The following WWOX variants were observed in gnomAD, a reference collection of about 807,000 sequenced individuals.
WWOX encodes the protein WW domain containing oxidoreductase, also known as WW domain-containing oxidoreductase.
In WWOX, 69 loss-of-function variants were observed where a neutral mutation model predicts 46.2. That is an observed-to-expected ratio of 1.49 (90% CI 1.23 to 1.82). The LOEUF (loss-of-function observed/expected upper bound fraction) is 1.82, where lower values mean the gene tolerates loss of function less well. Ranked by LOEUF, WWOX falls within the 40% of genes most tolerant of loss-of-function variation. WWOX has a pLI of 0.00. For missense variants in WWOX, 919 were observed against 542.6 expected (o/e 1.69, Z -6.89); for synonymous variants, 359 against 202.6 (o/e 1.77, Z -6.56).
At chr16:78,599,002 G>T (rs1007427983) in intron 8 of WWOX, among the ~76,000 whole-genome samples, 5 of 152,152 alleles carry the variant, frequency 3.3e-5, no homozygotes, top group Non-Finnish European at 7.3e-5. Context: ...TCGGCATTGA[G>T]GTCAAGACTG....
intron 8 of WWOX, among the ~76,000 whole-genome samples, chr16:78,695,499 G>C (rs184296125): frequency 6.6e-6 from 1 of 152,282 alleles, no homozygotes; most frequent in African/African-American, 2.4e-5. Context: ...TCATGGGGGC[G>C]GTTAGCTGAC....
At chr16:78,630,050 G>A (rs892392866) in intron 8 of WWOX, among the ~76,000 whole-genome samples, 7 of 151,968 alleles carry the variant, frequency 4.6e-5, no homozygotes, top group East Asian at 3.9e-4. Flanking sequence ...ATGTAGACTC[G>A]AAGCTTCACA....
intron 6 of WWOX, among the ~76,000 whole-genome samples, chr16:78,422,044 C>G (rs2082946305): frequency 6.6e-6 from 1 of 152,106 alleles, no homozygotes; most frequent in Non-Finnish European, 1.5e-5. Flanking sequence ...TTAATATTTA[C>G]TACTAGTGTA....
At chr16:79,137,044 C>T (rs1199873380) in intron 8 of WWOX, among the ~76,000 whole-genome samples, 1 of 152,106 alleles carries the variant, frequency 6.6e-6, no homozygotes, top group African/African-American at 2.4e-5. Context: ...CATAAACTGC[C>T]AAGGGTTAGT....
At chr16:78,413,176 C>T (rs113527169) in intron 6 of WWOX, among the ~76,000 whole-genome samples, 8 of 152,128 alleles carry the variant, frequency 5.3e-5, no homozygotes, top group African/African-American at 1.9e-4. Context: ...CAGAGTTGTA[C>T]TACTCAAATC....
intron 8 of WWOX, among the ~76,000 whole-genome samples, chr16:78,812,944 A>C (rs1246895053): frequency 6.6e-6 from 1 of 152,224 alleles, no homozygotes; most frequent in Non-Finnish European, 1.5e-5. Flanking sequence ...CTTAAAATGG[A>C]AAAATAAAAT....
intron 8 of WWOX, among the ~76,000 whole-genome samples, chr16:78,951,985 C>A (rs917770604): frequency 2.0e-5 from 3 of 152,146 alleles, no homozygotes; most frequent in Admixed American, 6.6e-5. Flanking sequence ...TGTGAGTATG[C>A]CATTCTAATC....
intron 8 of WWOX, among the ~76,000 whole-genome samples, chr16:79,210,566 C>T (rs537139110): frequency 2.0e-5 from 3 of 152,210 alleles, no homozygotes; most frequent in African/African-American, 7.2e-5. Context: ...TCTTGCAACC[C>T]CTCTCCCTCT....
At chr16:78,200,952 A>G (rs920975754) in intron 5 of WWOX, among the ~76,000 whole-genome samples, 7 of 152,232 alleles carry the variant, frequency 4.6e-5, no homozygotes, top group Non-Finnish European at 5.9e-5. Context: ...TTTGATTGAA[A>G]GGTAAACATT....
intron 8 of WWOX, among the ~76,000 whole-genome samples, chr16:78,663,146 C>G (rs1183734274): frequency 6.6e-6 from 1 of 152,186 alleles, no homozygotes; most frequent in Non-Finnish European, 1.5e-5. Flanking sequence ...TACCCTTCAG[C>G]CAGCATTCCC....
At chr16:78,378,949 CAG>C (rs1401840150) in intron 5 of WWOX, among the ~76,000 whole-genome samples, 25 of 152,146 alleles carry the variant, frequency 1.6e-4, no homozygotes, top group African/African-American at 5.1e-4. Context: ...AATATGACGA[CAG>C]GGGAACAGCC....
chr16:79,146,406 A>G (rs2050183604), intron 8 of WWOX, among the ~76,000 whole-genome samples: 1 of 152,068 alleles, frequency 6.6e-6, no homozygotes, highest in South Asian at 2.1e-4. Flanking sequence ...ACTGGCTTAT[A>G]TCATCCTGTG....
intron 8 of WWOX, among the ~76,000 whole-genome samples, chr16:78,471,791 T>C (rs1419349445): frequency 6.6e-6 from 1 of 152,218 alleles, no homozygotes; most frequent in African/African-American, 2.4e-5. Flanking sequence ...CGATGATTTT[T>C]CCATGCCAAG....
At chr16:78,612,687 C>G (rs960137946) in intron 8 of WWOX, among the ~76,000 whole-genome samples, 1 of 152,090 alleles carries the variant, frequency 6.6e-6, no homozygotes, top group Non-Finnish European at 1.5e-5. Flanking sequence ...GTTGCCCAGG[C>G]TGGTCTCAAA....
intron 5 of WWOX, among the ~76,000 whole-genome samples, chr16:78,372,052 TAA>T (rs1402220185): frequency 6.6e-6 from 1 of 152,172 alleles, no homozygotes; most frequent in Non-Finnish European, 1.5e-5. Context: ...TGGCCAACTC[TAA>T]GTCTCACGGC....
rs149624971 is a variant in WWOX, at chr16:78,700,510, C to G, written c.1056+267758C>G. On this transcript the variant is annotated intron_variant, in intron 8 of 8. Transcript: ENST00000566780. ...AGAGAGGAACATATTCAGTCCATAGCATGAACCAACCACGTGCACAGAGGT... is the reference window on the plus strand; with the variant it reads ...AGAGAGGAACATATTCAGTCCATAGGATGAACCAACCACGTGCACAGAGGT... 1.1e-3 allele frequency among the ~76,000 whole-genome samples: 172 copies of G among 152,290 alleles called. 1 individual carries two copies. Among genetic ancestry groups the G allele is most frequent in the African/African-American group, 3.9e-3 (164 of 41,568 alleles).
chr16:78,586,986 C>G (rs149408180), intron 8 of WWOX, among the ~76,000 whole-genome samples: 7 of 152,210 alleles, frequency 4.6e-5, no homozygotes, highest in Non-Finnish European at 7.4e-5. Context: ...AAAACCTCTA[C>G]TAATTCATGA....
At chr16:79,133,803 G>A (rs556935143) in intron 8 of WWOX, among the ~76,000 whole-genome samples, 1 of 152,304 alleles carries the variant, frequency 6.6e-6, no homozygotes, top group Admixed American at 6.5e-5. Context: ...GGGAAATGCA[G>A]GATGTAATGA....
intron 8 of WWOX, among the ~76,000 whole-genome samples, chr16:79,198,789 C>A (rs372290006): frequency 1.3e-5 from 2 of 152,250 alleles, no homozygotes; most frequent in Non-Finnish European, 2.9e-5. Context: ...AAATAGTACC[C>A]ATCAAACACT....
Sources: gnomAD v4.1 joint callset for allele counts (sites outside exome capture counted in the v4.1 genomes callset) on GRCh38, gnomAD v4.1.1 for gene constraint, MANE v1.5 for transcripts, NCBI Gene and HGNC (gene_info 2026-07-23, HGNC 2026-07-21) for gene names.